The following CDH10 variants were observed in gnomAD, a reference collection of about 807,000 sequenced individuals.
CDH10 encodes cadherin-10.
In CDH10, 30 loss-of-function variants were observed where a neutral mutation model predicts 73.1. The ratio of observed to expected loss-of-function variants is 0.41; its 90% CI spans 0.31 to 0.56. The LOEUF (loss-of-function observed/expected upper bound fraction) is 0.56. Ranked by LOEUF, CDH10 falls within the 20% of genes least tolerant of loss-of-function variation. The pLI, the probability that CDH10 is intolerant of heterozygous loss-of-function variation, is 0.27. For synonymous variants in CDH10, 345 were observed against 348.2 expected, an observed-to-expected ratio of 0.99 and a Z score of 0.10; for missense variants, 815 against 973.7, an observed-to-expected ratio of 0.84 and a Z score of 2.17.
At chr5:24,532,559 T>C (rs893789659) in intron 5 of CDH10, among the ~76,000 whole-genome samples, 1 of 152,086 alleles carries the variant, frequency 6.6e-6, no homozygotes, top group East Asian at 1.9e-4. Context: ...CTAACCGTCA[T>C]ATAGCTATGA....
At chr5:24,499,900 A>G (rs1226247160) in intron 8 of CDH10, among the ~76,000 whole-genome samples, 1 of 152,186 alleles carries the variant, frequency 6.6e-6, no homozygotes, top group Non-Finnish European at 1.5e-5. Flanking sequence ...TATGATATCA[A>G]TATCTCAGTC....
chr5:24,570,013 G>A (rs1362319105), intron 2 of CDH10, among the ~76,000 whole-genome samples: 4 of 151,842 alleles, frequency 2.6e-5, no homozygotes, highest in Non-Finnish European at 5.9e-5. Context: ...TGATCTGCCC[G>A]CCTCAGCCTC....
In CDH10 at chr5:24,634,502, A is replaced by G. The variant is rs1177876679; in HGVS notation, c.-124+10092T>C. Among the ~76,000 whole-genome samples, 4 of 151,798 alleles carry G rather than the reference A, an allele frequency of 2.6e-5. No homozygotes were observed. The East Asian group carries it at 7.7e-4, about 29-fold the overall frequency. On this transcript the variant is annotated intron_variant, in intron 1 of 11. Transcript: ENST00000264463. ...ATGAGGTTAAATTATTTTGCCAAAT[A>G]TTATAGTGAAGTTGTGAAAAAAAAC...
chr5:24,644,126 GT>G (rs1279824643), intron 1 of CDH10, among the ~76,000 whole-genome samples: 3 of 152,060 alleles, frequency 2.0e-5, no homozygotes, highest in Admixed American at 6.6e-5. Context: ...TATATTGAAC[GT>G]ACAATGAACT....
At chr5:24,491,525 A>G in intron 11 of CDH10, 51 bp downstream of exon 11, 2 of 1,520,758 alleles carry the variant, frequency 1.3e-6, no homozygotes, top group Non-Finnish European at 1.8e-6. Flanking sequence ...ATTCTTCAAA[A>G]TCATACTAAA....
chr5:24,519,477 A>T (rs1166739263), intron 5 of CDH10, among the ~76,000 whole-genome samples: 1 of 149,956 alleles, frequency 6.7e-6, no homozygotes, highest in Non-Finnish European at 1.5e-5. Flanking sequence ...ACACATACTT[A>T]CAAATACAGT....
chr5:24,628,398 A>C (rs1221422781), intron 1 of CDH10, among the ~76,000 whole-genome samples: 1 of 152,172 alleles, frequency 6.6e-6, no homozygotes, highest in Non-Finnish European at 1.5e-5. Context: ...GCAGACACCA[A>C]GTGGTAATTC....
intron 5 of CDH10, among the ~76,000 whole-genome samples, chr5:24,531,509 A>G (rs1171311532): frequency 6.6e-6 from 1 of 152,118 alleles, no homozygotes; most frequent in African/African-American, 2.4e-5. Flanking sequence ...TCACAGCTCC[A>G]CATGGCTGGG....
chr5:24,607,014 CAAA>C (rs1396117274), intron 1 of CDH10, among the ~76,000 whole-genome samples: 2 of 152,164 alleles, frequency 1.3e-5, no homozygotes, highest in Non-Finnish European at 2.9e-5. Flanking sequence ...AACACCATGT[CAAA>C]TATATATTTT....
chr5:24,584,201 A>G (rs1283166508), intron 2 of CDH10, among the ~76,000 whole-genome samples: 1 of 152,150 alleles, frequency 6.6e-6, no homozygotes, highest in Non-Finnish European at 1.5e-5. Context: ...AAAATATTAT[A>G]TATCTCATTT....
intron 2 of CDH10, among the ~76,000 whole-genome samples, chr5:24,581,564 A>AT (rs1221803616): frequency 6.6e-6 from 1 of 152,196 alleles, no homozygotes; most frequent in African/African-American, 2.4e-5. Flanking sequence ...GTTGCCTTCC[A>AT]TGCAGTGATG....
At chr5:24,513,169 C>G (rs1827820) in intron 5 of CDH10, among the ~76,000 whole-genome samples, 72,362 of 151,440 alleles carry the variant, frequency 0.48, 17,396 homozygotes, top group East Asian at 0.58. Context: ...TAGGCACCTG[C>G]CACCACACCA....
intron 1 of CDH10, among the ~76,000 whole-genome samples, chr5:24,641,481 AT>A (rs1473341399): frequency 6.6e-6 from 1 of 152,018 alleles, no homozygotes; most frequent in Admixed American, 6.6e-5. Context: ...TAGGACTTGT[AT>A]TTTTTCTGTA....
chr5:24,537,069 A>G (rs1743980212), intron 3 of CDH10, among the ~76,000 whole-genome samples: 1 of 151,960 alleles, frequency 6.6e-6, no homozygotes, highest in African/African-American at 2.4e-5. Context: ...AGAAATTTAT[A>G]CAACTTTTAT....
At chr5:24,542,122 T>C (rs1248728073) in intron 2 of CDH10, among the ~76,000 whole-genome samples, 1 of 152,124 alleles carries the variant, frequency 6.6e-6, no homozygotes, top group Non-Finnish European at 1.5e-5. Context: ...CATCTTTGTA[T>C]AAAATGAAAT....
chr5:24,546,727 T>C (rs183929225), intron 2 of CDH10, among the ~76,000 whole-genome samples: 2 of 152,254 alleles, frequency 1.3e-5, no homozygotes, highest in East Asian at 1.9e-4. Flanking sequence ...ATTTTTGTAA[T>C]TTTTTCTGAA....
chr5:24,542,896 C>T (rs1744209569), intron 2 of CDH10, among the ~76,000 whole-genome samples: 1 of 151,988 alleles, frequency 6.6e-6, no homozygotes, highest in Admixed American at 6.6e-5. Flanking sequence ...TCACAAAGGC[C>T]CCACCTCCTA....
chr5:24,569,193 T>A (rs995818017), intron 2 of CDH10, among the ~76,000 whole-genome samples: 1 of 152,016 alleles, frequency 6.6e-6, no homozygotes, highest in South Asian at 2.1e-4. Context: ...TATGAATTAC[T>A]TAGAATAAGC....
chr5:24,621,820 G>A (rs574325311), intron 1 of CDH10, among the ~76,000 whole-genome samples: 39 of 146,846 alleles, frequency 2.7e-4, no homozygotes, highest in African/African-American at 7.9e-4. Flanking sequence ...CATGATATAC[G>A]TGTGTATACA....
Sources: allele counts gnomAD v4.1 joint callset (sites outside exome capture counted in the v4.1 genomes callset), GRCh38; gene constraint gnomAD v4.1.1; transcripts MANE v1.5; gene names NCBI Gene and HGNC (gene_info 2026-07-23, HGNC 2026-07-21).